OCA2: variants seen among roughly 807,000 people sequenced by gnomAD.
The protein encoded by OCA2 is OCA2 melanosomal transmembrane protein, also known as P protein.
In OCA2, 77 loss-of-function variants were observed where a neutral mutation model predicts 100.2. The observed-to-expected ratio is 0.77, with a 90% CI of 0.64 to 0.93. The LOEUF (loss-of-function observed/expected upper bound fraction) is 0.93. Among genes scored for constraint, OCA2 ranks in the 40% least tolerant of loss-of-function variants. The pLI is 0.00. For synonymous variants in OCA2, 432 were observed against 439.2 expected (o/e 0.98, Z 0.21); for missense variants, 1,062 against 1,089.1 (o/e 0.98, Z 0.35).
At chr15:27,850,418 T>C (rs1413781175) in intron 22 of OCA2, among the ~76,000 whole-genome samples, 1 of 152,206 alleles carries the variant, frequency 6.6e-6, no homozygotes, top group African/African-American at 2.4e-5. Context: ...GGGGATGCAT[T>C]TCCAGGTGTC....
the OCA2 span, among the ~76,000 whole-genome samples, chr15:27,737,296 A>G: frequency 3.3e-5 from 5 of 152,244 alleles, no homozygotes; most frequent in East Asian, 7.7e-4. Flanking sequence ...ATAGAAATTC[A>G]TAAGAAACAT....
At chr15:28,058,057 C>T (rs72712680) in intron 2 of OCA2, among the ~76,000 whole-genome samples, 14,822 of 152,234 alleles carry the variant, frequency 0.097, 877 homozygotes, top group African/African-American at 0.16. Context: ...CACCAAGTGC[C>T]CTGGTACCCT....
chr15:27,886,188 G>A (rs938098453), intron 19 of OCA2, among the ~76,000 whole-genome samples: 1 of 152,190 alleles, frequency 6.6e-6, no homozygotes, highest in African/African-American at 2.4e-5. Flanking sequence ...ATATGTAAAT[G>A]GCAGCTGCAG....
At chr15:28,087,174 C>CT (rs1371533011) in intron 1 of OCA2, among the ~76,000 whole-genome samples, 1 of 151,970 alleles carries the variant, frequency 6.6e-6, no homozygotes, top group Non-Finnish European at 1.5e-5. Flanking sequence ...AAGAAAAAGT[C>CT]TTAAAGAGAG....
At chr15:27,923,472 C>A (rs916124627) in intron 19 of OCA2, among the ~76,000 whole-genome samples, 16 of 152,196 alleles carry the variant, frequency 1.1e-4, no homozygotes, top group African/African-American at 3.9e-4. Flanking sequence ...AATTTACACT[C>A]CTGCCAGCAG....
intron 16 of OCA2, among the ~76,000 whole-genome samples, chr15:27,956,780 G>A (rs1412973541): frequency 3.9e-5 from 6 of 152,328 alleles, no homozygotes; most frequent in Admixed American, 1.3e-4. Flanking sequence ...ACTTCATCCC[G>A]GGATTGTGTG....
chr15:27,910,905 G>A lies in OCA2; in HGVS notation c.2079+15222C>T, dbSNP rs148552579. Among the ~76,000 whole-genome samples the A allele has an allele frequency of 3.9e-4, 59 of 151,686 alleles. No individual in the cohort carries two copies. In the East Asian group the frequency reaches 0.01, roughly 27 times the overall value. ...CAGGAGGCAGAGGTTGCAGTGAGCC[G>A]AGATCATGCCACTGCACTCCAGCCT... On this transcript the variant is annotated intron_variant, in intron 19 of 23. Coordinates refer to ENST00000354638, the MANE Select transcript of OCA2 (RefSeq NM_000275.3).
intron 2 of OCA2, among the ~76,000 whole-genome samples, chr15:28,078,667 A>G (rs1399283555): frequency 6.6e-6 from 1 of 152,230 alleles, no homozygotes; most frequent in East Asian, 1.9e-4. Flanking sequence ...GGTTAGAGCC[A>G]TACATGACAA....
intron 23 of OCA2, among the ~76,000 whole-genome samples, chr15:27,811,835 T>C (rs1025556639): frequency 6.6e-6 from 1 of 152,152 alleles, no homozygotes; most frequent in Non-Finnish European, 1.5e-5. Context: ...ACTGGATATC[T>C]AAGTGTCGGT....
chr15:27,795,054 A>G (rs1179559941), intron 23 of OCA2, among the ~76,000 whole-genome samples: 9 of 152,132 alleles, frequency 5.9e-5, no homozygotes, highest in African/African-American at 2.2e-4. Context: ...CAATTTGTTA[A>G]TCACCGAGTG....
At chr15:27,877,312 A>G (rs2036830913) in intron 19 of OCA2, among the ~76,000 whole-genome samples, 1 of 151,982 alleles carries the variant, frequency 6.6e-6, no homozygotes, top group Non-Finnish European at 1.5e-5. Flanking sequence ...GTTGTTGGAT[A>G]TAGTGTTCTA....
At chr15:28,093,205 T>C (rs909763640) in intron 1 of OCA2, among the ~76,000 whole-genome samples, 1 of 152,080 alleles carries the variant, frequency 6.6e-6, no homozygotes, top group Admixed American at 6.6e-5. Context: ...GCAGATCACC[T>C]GAGGTCAGGA....
chr15:28,045,683 A>G (rs1403342972), intron 2 of OCA2, among the ~76,000 whole-genome samples: 2 of 152,204 alleles, frequency 1.3e-5, no homozygotes, highest in African/African-American at 2.4e-5. Flanking sequence ...CTCCCAGCAC[A>G]GCACCCGGCA....
chr15:27,764,915 G>A (rs1351306949), intron 23 of OCA2, among the ~76,000 whole-genome samples: 2 of 152,244 alleles, frequency 1.3e-5, no homozygotes, highest in African/African-American at 2.4e-5. Flanking sequence ...AGCTTGGGCT[G>A]CTGGACTAAG....
At chr15:28,040,662 A>G (rs1056064009) in intron 2 of OCA2, among the ~76,000 whole-genome samples, 1 of 152,170 alleles carries the variant, frequency 6.6e-6, no homozygotes, top group Non-Finnish European at 1.5e-5. Flanking sequence ...CATGACTACC[A>G]ATTTTTAAAA....
At chr15:27,867,221 G>T (rs1443013771) in intron 21 of OCA2, among the ~76,000 whole-genome samples, 1 of 152,156 alleles carries the variant, frequency 6.6e-6, no homozygotes, top group Non-Finnish European at 1.5e-5. Flanking sequence ...TTCCACTAAA[G>T]GACTAGGAAT....
At chr15:27,751,255 T>C (rs775597534), downstream of OCA2, among the ~76,000 whole-genome samples, 51 of 152,172 alleles carry the variant, frequency 3.4e-4, no homozygotes, top group Non-Finnish European at 2.8e-4. Context: ...TCCTATGAAA[T>C]GGTGGACCCT....
At chr15:27,874,251 T>C (rs2151511985) in intron 19 of OCA2, among the ~76,000 whole-genome samples, 1 of 152,292 alleles carries the variant, frequency 6.6e-6, no homozygotes, top group Non-Finnish European at 1.5e-5. Context: ...TTCCTGCAGC[T>C]GTCTAGGAGC....
chr15:28,082,545 A>C (rs1001008830), intron 1 of OCA2, among the ~76,000 whole-genome samples: 1 of 152,242 alleles, frequency 6.6e-6, no homozygotes, highest in African/African-American at 2.4e-5. Context: ...TGATGTGTGC[A>C]CAGCATGAAA....
Sources: allele counts gnomAD v4.1 joint callset (sites outside exome capture counted in the v4.1 genomes callset), GRCh38; gene constraint gnomAD v4.1.1; transcripts MANE v1.5; gene names NCBI Gene and HGNC (gene_info 2026-07-23, HGNC 2026-07-21).